CNTNAP2: variants seen among roughly 807,000 people sequenced by gnomAD.
The protein encoded by CNTNAP2 is contactin-associated protein-like 2.
CNTNAP2 carries 98 observed loss-of-function variants against 155.2 expected under a neutral mutation model. The ratio of observed to expected loss-of-function variants is 0.63; its 90% CI spans 0.54 to 0.75. The LOEUF (loss-of-function observed/expected upper bound fraction) is 0.75, where lower values mean the gene tolerates loss of function less well. CNTNAP2 is among the 30% of genes least tolerant of loss of function. The pLI, the probability that CNTNAP2 is intolerant of heterozygous loss-of-function variation, is 0.00. For missense variants in CNTNAP2, 1,727 were observed against 1,688.1 expected (o/e 1.02, Z -0.40); for synonymous variants, 651 against 631.2 (o/e 1.03, Z -0.47).
intron 20 of CNTNAP2, among the ~76,000 whole-genome samples, chr7:148,232,922 C>A (rs962531085): frequency 6.6e-6 from 1 of 152,198 alleles, no homozygotes; most frequent in Non-Finnish European, 1.5e-5. Flanking sequence ...TTGGATGAAA[C>A]ATTTGCTGCC....
chr7:148,389,366 T>C (rs1003741937), intron 22 of CNTNAP2, among the ~76,000 whole-genome samples: 1 of 152,022 alleles, frequency 6.6e-6, no homozygotes, highest in African/African-American at 2.4e-5. Flanking sequence ...CTGCACAAGC[T>C]CTCTCTTTGC....
intron 13 of CNTNAP2, among the ~76,000 whole-genome samples, chr7:147,683,851 T>C (rs1795983461): frequency 6.7e-6 from 1 of 150,292 alleles, no homozygotes; most frequent in Non-Finnish European, 1.5e-5. Flanking sequence ...ACTGCCAAAA[T>C]CTAGGGCACT....
chr7:146,788,441 AT>A (rs1802614912), intron 2 of CNTNAP2, among the ~76,000 whole-genome samples: 1 of 152,260 alleles, frequency 6.6e-6, no homozygotes, highest in Admixed American at 6.5e-5. Context: ...ATCATATAGA[AT>A]TCCCAGAGGA....
Position 146,439,419 on chromosome 7 carries a change from A to G in CNTNAP2, c.97+322446A>G, listed in dbSNP as rs1232575099. 1.3e-5 allele frequency among the ~76,000 whole-genome samples: 2 copies of G among 151,486 alleles called. 1 individual carries two copies. The highest frequency in any genetic ancestry group is 4.9e-5 in the African/African-American group (2 of 40,810). ...GCCTTCTTTTTTCCCTTAAGTATGA[A>G]TATTCATCAAGGAACTTGTTGGACA... On this transcript the variant is annotated intron_variant, in intron 1 of 23. Coordinates refer to ENST00000361727, the MANE Select transcript of CNTNAP2 (RefSeq NM_014141.6).
chr7:148,210,701 G>C (rs1398582453), intron 18 of CNTNAP2, among the ~76,000 whole-genome samples: 2 of 152,216 alleles, frequency 1.3e-5, no homozygotes, highest in African/African-American at 4.8e-5. Flanking sequence ...CCTTTGGAGA[G>C]AATGGCAGGA....
chr7:146,195,184 A>T (rs1429865657), intron 1 of CNTNAP2: 1 of 152,206 alleles, frequency 6.6e-6, no homozygotes, highest in African/African-American at 2.4e-5. Context: ...GTATTTATGT[A>T]TACAATTGAT....
chr7:148,275,294 T>G (rs1796852938), intron 21 of CNTNAP2, among the ~76,000 whole-genome samples: 1 of 151,930 alleles, frequency 6.6e-6, no homozygotes, highest in Non-Finnish European at 1.5e-5. Flanking sequence ...AAAAGAAGTA[T>G]AGAATTCTTT....
At chr7:146,649,160 A>G (rs1464616152) in intron 1 of CNTNAP2, among the ~76,000 whole-genome samples, 1 of 152,082 alleles carries the variant, frequency 6.6e-6, no homozygotes, top group East Asian at 1.9e-4. Context: ...TTGTAACTTG[A>G]AAGGGATTTA....
chr7:148,238,021 C>T (rs1011963593), intron 20 of CNTNAP2, among the ~76,000 whole-genome samples: 2 of 152,180 alleles, frequency 1.3e-5, no homozygotes, highest in African/African-American at 4.8e-5. Context: ...ATAGCTGGTG[C>T]TATTAGTCCC....
At chr7:148,064,644 G>A (rs138671029) in intron 15 of CNTNAP2, among the ~76,000 whole-genome samples, 2,525 of 126,876 alleles carry the variant, frequency 0.02, 35 homozygotes, top group Middle Eastern at 0.03. Flanking sequence ...CTAAGAATCA[G>A]ATCAAGAACT....
At chr7:147,774,380 G>A (rs1489827582) in intron 13 of CNTNAP2, among the ~76,000 whole-genome samples, 1 of 152,128 alleles carries the variant, frequency 6.6e-6, no homozygotes, top group Non-Finnish European at 1.5e-5. Flanking sequence ...ACATGACATA[G>A]AATGAGACAG....
At chr7:147,402,261 C>T (rs537680173) in intron 10 of CNTNAP2, among the ~76,000 whole-genome samples, 50 of 152,258 alleles carry the variant, frequency 3.3e-4, no homozygotes, top group Admixed American at 3.2e-3. Flanking sequence ...TTATGCAATA[C>T]GTTATCACCA....
intron 9 of CNTNAP2, among the ~76,000 whole-genome samples, chr7:147,347,492 GCATATATA>G (rs1407419600): frequency 1.0e-4 from 9 of 89,988 alleles, no homozygotes; most frequent in Admixed American, 8.0e-4. Flanking sequence ...ATATATATAT[GCATATATA>G]TGTGTGTGTG....
intron 1 of CNTNAP2, among the ~76,000 whole-genome samples, chr7:146,481,436 T>C (rs1394007130): frequency 6.6e-6 from 1 of 152,252 alleles, no homozygotes; most frequent in African/African-American, 2.4e-5. Context: ...TATCTTCAGT[T>C]TCCTGAATAC....
At chr7:147,025,096 T>G (rs1798878676) in intron 3 of CNTNAP2, among the ~76,000 whole-genome samples, 1 of 150,796 alleles carries the variant, frequency 6.6e-6, no homozygotes, top group Non-Finnish European at 1.5e-5. Context: ...CCAGCCTGAC[T>G]TACATGGTGA....
intron 1 of CNTNAP2, among the ~76,000 whole-genome samples, chr7:146,726,513 G>A (rs146417137): frequency 6.6e-5 from 10 of 151,976 alleles, no homozygotes; most frequent in East Asian, 1.9e-4. Context: ...AAGCAATTAC[G>A]TAAATTTTCT....
At chr7:147,437,932 T>C (rs1373839612) in intron 10 of CNTNAP2, among the ~76,000 whole-genome samples, 2 of 152,122 alleles carry the variant, frequency 1.3e-5, no homozygotes, top group African/African-American at 4.8e-5. Flanking sequence ...TGTTGGCATA[T>C]AGAAATGGTA....
chr7:147,035,082 C>T (rs1345050606), intron 3 of CNTNAP2, among the ~76,000 whole-genome samples: 3 of 152,132 alleles, frequency 2.0e-5, no homozygotes, highest in Non-Finnish European at 2.9e-5. Context: ...TCAGTAGAGT[C>T]CTGACTGGTG....
intron 8 of CNTNAP2, among the ~76,000 whole-genome samples, chr7:147,232,883 A>G (rs1803716117): frequency 6.6e-6 from 1 of 152,356 alleles, no homozygotes; most frequent in Admixed American, 6.5e-5. Flanking sequence ...GTAAAAGAGG[A>G]GAAGCCTTGA....
Sources: allele counts gnomAD v4.1 joint callset (sites outside exome capture counted in the v4.1 genomes callset), GRCh38; gene constraint gnomAD v4.1.1; transcripts MANE v1.5; gene names NCBI Gene and HGNC (gene_info 2026-07-23, HGNC 2026-07-21).